The following MACF1 variants were observed in gnomAD, a reference collection of about 807,000 sequenced individuals.
MACF1 encodes the protein microtubule-actin cross-linking factor 1.
MACF1 carries 193 observed loss-of-function variants against 854.8 expected under a neutral mutation model. The ratio of observed to expected loss-of-function variants is 0.23; its 90% CI spans 0.20 to 0.25. The LOEUF (loss-of-function observed/expected upper bound fraction) is 0.25, where lower values mean the gene tolerates loss of function less well. Among genes scored for constraint, MACF1 ranks in the 10% least tolerant of loss-of-function variants. MACF1 has a pLI of 1.00. For synonymous variants in MACF1, 3,185 were observed against 3,226.7 expected (o/e 0.99, Z 0.44); for missense variants, 7,722 against 8,929.1 (o/e 0.86, Z 5.45).
intron 88 of MACF1, among the ~76,000 whole-genome samples, chr1:39,454,229 G>A (rs1644392325): frequency 6.6e-6 from 1 of 152,216 alleles, no homozygotes; most frequent in African/African-American, 2.4e-5. Flanking sequence ...CACATTCACA[G>A]CCAAACATGG....
At chr1:39,462,360 T>C (rs1318544187) in intron 93 of MACF1, among the ~76,000 whole-genome samples, 1 of 152,128 alleles carries the variant, frequency 6.6e-6, no homozygotes, top group Non-Finnish European at 1.5e-5. Flanking sequence ...CATCTCACTC[T>C]TGAGCATGCT....
At chr1:39,200,008 G>GT (rs1251999816), upstream of MACF1, among the ~76,000 whole-genome samples, 1 of 152,166 alleles carries the variant, frequency 6.6e-6, no homozygotes. Flanking sequence ...TGAAGGAGTT[G>GT]TTTTTCCCTG....
chr1:39,304,253 A>C (rs866984693), intron 23 of MACF1: 4 of 472,930 alleles, frequency 8.5e-6, no homozygotes, highest in Non-Finnish European at 1.6e-5. Flanking sequence ...TCATTGTTCA[A>C]TTCCCACCTA....
At chr1:39,161,856 G>A (rs898460850) in intron 2 of MACF1, among the ~76,000 whole-genome samples, 2 of 149,324 alleles carry the variant, frequency 1.3e-5, no homozygotes, top group Non-Finnish European at 3.0e-5. Flanking sequence ...GACAGAGCGA[G>A]ACTCTGTCTC....
rs147393627 is a variant in MACF1 at position 39,296,775 on chromosome 1, A to G, written c.2356-845A>G. ...GAAAGGAAGGAAGGAAGGAAGGAAA[A>G]GAAAGAAAGAAAGAAAGGAAGGAAG... On this transcript the variant is annotated intron_variant, in intron 20 of 100. Transcript: ENST00000564288. Among the ~76,000 whole-genome samples, 12 of 51,058 alleles carry G rather than the reference A, an allele frequency of 2.4e-4. 1 individual carries two copies. The highest frequency in any genetic ancestry group is 1.1e-3 in the Admixed American group (6 of 5,336). 33.5% of individuals were successfully genotyped at this position (51,058 alleles called of 152,430 possible).
chr1:39,361,013 G>T lies in MACF1; in HGVS notation c.12453+12G>T. 1 of 1,610,772 alleles carries T rather than the reference G, an allele frequency of 6.2e-7. No homozygotes were observed. Among genetic ancestry groups the T allele is most frequent in the Non-Finnish European group, 8.5e-7 (1 of 1,177,006 alleles). On this transcript the variant is annotated intron_variant, in intron 48 of 100. Transcript: ENST00000564288. ...TAGCCACAAATATGGTAAGATCTGT[G>T]TCCCAAGAGCTAGCATAGAGGGTAT...
chr1:39,358,796 G>A lies in MACF1; in HGVS notation c.12043G>A (p.Ala4015Thr), dbSNP rs144873442. The change falls in exon 46 of 101, where the codon GCC (alanine) becomes ACC (threonine). Residue 4015 changes from alanine (A) to threonine (T), a missense_variant. Transcript: ENST00000564288. ...SLQAWMQACE[A>T]NVEKLLSDTV... ...GCAGGCCTGGATGCAGGCTTGTGAG[G>A]CCAACGTGGAGAAGCTCCTCTCAGA... 8.3e-4 allele frequency: 1,345 copies of A among 1,613,926 alleles called. 2 individuals carry two copies. The highest frequency in any genetic ancestry group is 1.4e-3 in the South Asian group (126 of 91,076).
intron 2 of MACF1, among the ~76,000 whole-genome samples, chr1:39,158,763 C>T (rs1291204093): frequency 6.6e-6 from 1 of 152,158 alleles, no homozygotes; most frequent in African/African-American, 2.4e-5. Flanking sequence ...TATTTCCGCT[C>T]ACTGGAACAA....
intron 6 of MACF1, chr1:39,268,945 C>G (rs551385795): frequency 1.4e-5 from 18 of 1,285,170 alleles, no homozygotes; most frequent in South Asian, 1.4e-4. Flanking sequence ...GTAGAGCATA[C>G]CCCCCCAGAT....
chr1:39,187,989 TCC>T (rs1644200320), intron 2 of MACF1, among the ~76,000 whole-genome samples: 1 of 77,958 alleles, frequency 1.3e-5, no homozygotes, highest in Non-Finnish European at 2.4e-5. Context: ...TCCCCTCCCC[TCC>T]CCTCCCCTTC....
chr1:39,389,690 C>T (rs1181288931), intron 58 of MACF1, among the ~76,000 whole-genome samples: 3 of 151,858 alleles, frequency 2.0e-5, no homozygotes, highest in African/African-American at 4.8e-5. Context: ...TATGAAAAGC[C>T]GTAAGTTAAA....
intron 79 of MACF1, 119 bp from the exon 80 acceptor site, chr1:39,444,543 A>C (rs1644185589): frequency 1.3e-6 from 1 of 761,882 alleles, no homozygotes; most frequent in African/African-American, 1.8e-5. Context: ...AATCCAAAAG[A>C]ATGGCTTGTA....
intron 40 of MACF1, among the ~76,000 whole-genome samples, 173 bp from the exon 41 acceptor site, chr1:39,346,804 C>T (rs1647060282): frequency 2.0e-5 from 3 of 152,196 alleles, no homozygotes; most frequent in African/African-American, 7.2e-5. Flanking sequence ...CAGGCATGAG[C>T]CACCGCACCT....
At chr1:39,403,376 G>A (rs1569902697) in intron 58 of MACF1, among the ~76,000 whole-genome samples, 1 of 152,170 alleles carries the variant, frequency 6.6e-6, no homozygotes, top group Non-Finnish European at 1.5e-5. Flanking sequence ...TGGGATTACA[G>A]GTGTGAGCCA....
intron 15 of MACF1, among the ~76,000 whole-genome samples, chr1:39,288,784 C>G (rs1372903586): frequency 6.6e-6 from 1 of 152,106 alleles, no homozygotes; most frequent in Non-Finnish European, 1.5e-5. Flanking sequence ...AGAGCAATAC[C>G]CCATCTCAAA....
At chr1:39,124,732 G>A (rs903673469) in intron 2 of MACF1, among the ~76,000 whole-genome samples, 1 of 152,124 alleles carries the variant, frequency 6.6e-6, no homozygotes, top group Non-Finnish European at 1.5e-5. Context: ...TTATTAATGT[G>A]CCAGGCATAA....
chr1:39,277,810 G>GT (rs988592270), intron 6 of MACF1, among the ~76,000 whole-genome samples: 1 of 152,054 alleles, frequency 6.6e-6, no homozygotes, highest in African/African-American at 2.4e-5. Flanking sequence ...CTGAGGCTGT[G>GT]TTTTTTTATT....
At chr1:39,103,899 C>T (rs2282231) in intron 2 of MACF1, among the ~76,000 whole-genome samples, 30,090 of 152,122 alleles carry the variant, frequency 0.2, 3,100 homozygotes, top group Middle Eastern at 0.26. Flanking sequence ...CACCTATTAG[C>T]GAAAAGCGTC....
At chr1:39,430,100 A>G in intron 65 of MACF1, 32 bp downstream of exon 65, 3 of 1,587,680 alleles carry the variant, frequency 1.9e-6, no homozygotes, top group Non-Finnish European at 2.6e-6. Context: ...AAAAGAAAAA[A>G]AGGCTTCCTC....
Sources: allele counts gnomAD v4.1 joint callset (sites outside exome capture counted in the v4.1 genomes callset), GRCh38; gene constraint gnomAD v4.1.1; transcripts MANE v1.5; gene names NCBI Gene and HGNC (gene_info 2026-07-23, HGNC 2026-07-21).